Variants in ATP2B1 observed in about 807,000 individuals in gnomAD.
The protein encoded by ATP2B1 is plasma membrane calcium-transporting ATPase 1.
In ATP2B1, 14 loss-of-function variants were observed where a neutral mutation model predicts 124.2. The ratio of observed to expected loss-of-function variants is 0.11; its 90% CI spans 0.07 to 0.18. The LOEUF (loss-of-function observed/expected upper bound fraction) is 0.18, where lower values mean the gene tolerates loss of function less well. Ranked by LOEUF, ATP2B1 falls within the 10% of genes least tolerant of loss-of-function variation. The pLI is 1.00. For synonymous variants in ATP2B1, 449 were observed against 492.4 expected (o/e 0.91, Z 1.17); for missense variants, 763 against 1,466.1 (o/e 0.52, Z 7.83).
At chr12:89,669,301 G>T (rs1163499551) in intron 1 of ATP2B1, among the ~76,000 whole-genome samples, 2 of 152,202 alleles carry the variant, frequency 1.3e-5, no homozygotes, top group African/African-American at 4.8e-5. Flanking sequence ...CGGAACTGCA[G>T]AACGTGGCAA....
chr12:89,637,891 C>T (rs1169173516), intron 3 of ATP2B1, among the ~76,000 whole-genome samples: 2 of 152,190 alleles, frequency 1.3e-5, no homozygotes, highest in East Asian at 1.9e-4. Flanking sequence ...GACAATTATA[C>T]AATTTTCAGC....
intron 8 of ATP2B1, among the ~76,000 whole-genome samples, 185 bp from the exon 9 acceptor site, chr12:89,624,582 T>C (rs1880521805): frequency 6.6e-6 from 1 of 152,236 alleles, no homozygotes; most frequent in African/African-American, 2.4e-5. Flanking sequence ...TGCTTCCAAG[T>C]ACAGTCTTGT....
At chr12:89,626,427 C>A in intron 8 of ATP2B1, 27 bp downstream of exon 8, 1 of 1,552,060 alleles carries the variant, frequency 6.4e-7, no homozygotes, top group East Asian at 2.3e-5. Context: ...AAAAATAAAA[C>A]ACTTTATTTT....
At chr12:89,684,202 A>T (rs964767963) in intron 1 of ATP2B1, among the ~76,000 whole-genome samples, 1 of 152,238 alleles carries the variant, frequency 6.6e-6, no homozygotes, top group Non-Finnish European at 1.5e-5. Flanking sequence ...TTACAAAAAG[A>T]GCAGGGACGG....
At chr12:89,652,715 A>T (rs1312873816) in intron 2 of ATP2B1, among the ~76,000 whole-genome samples, 1 of 151,988 alleles carries the variant, frequency 6.6e-6, no homozygotes, top group Non-Finnish European at 1.5e-5. Flanking sequence ...CTTTGGAAAT[A>T]ACATTCTTGT....
In ATP2B1 at chr12:89,601,409, T is replaced by C. The variant is rs781117632; in HGVS notation, c.3085A>G (p.Lys1029Glu). Residue 1029 changes from lysine (K) to glutamate (E), a missense_variant, in exon 19 of 21, where the codon AAA becomes GAA. Coordinates refer to ENST00000428670, the MANE Select transcript of ATP2B1 (RefSeq NM_001366521.1). Reference protein sequence around the residue: ...VQIIIVQFGGKPFSCSELSIE... With the variant: ...VQIIIVQFGGEPFSCSELSIE... ...GAAAGTTCTGAACAACTGAAAGGTTTTCCACCAAACTGCACAATTATTATC... is the reference window on the plus strand; with the variant it reads ...GAAAGTTCTGAACAACTGAAAGGTTCTCCACCAAACTGCACAATTATTATC... 1.9e-6 allele frequency: 3 copies of C among 1,570,098 alleles called. No homozygotes were observed. Among genetic ancestry groups the C allele is most frequent in the Non-Finnish European group, 2.6e-6 (3 of 1,166,554 alleles).
At chr12:89,632,781 C>G (rs1317014152) in intron 5 of ATP2B1, among the ~76,000 whole-genome samples, 3 of 152,154 alleles carry the variant, frequency 2.0e-5, no homozygotes, top group African/African-American at 7.2e-5. Flanking sequence ...CCCACCCATA[C>G]TGCGATAAGG....
At chr12:89,688,139 G>A (rs1890165783) in intron 1 of ATP2B1, among the ~76,000 whole-genome samples, 1 of 152,008 alleles carries the variant, frequency 6.6e-6, no homozygotes, top group Non-Finnish European at 1.5e-5. Context: ...CTCTCAGCAG[G>A]CAGGAATCTA....
At chr12:89,623,354 CT>C (rs112050233) in intron 9 of ATP2B1, among the ~76,000 whole-genome samples, 9,018 of 144,132 alleles carry the variant, frequency 0.063, 277 homozygotes, top group African/African-American at 0.079. Flanking sequence ...CAAGCTACAT[CT>C]TTTTTTTTTT....
chr12:89,685,320 G>A (rs1161765976), intron 1 of ATP2B1, among the ~76,000 whole-genome samples: 1 of 152,092 alleles, frequency 6.6e-6, no homozygotes, highest in Non-Finnish European at 1.5e-5. Flanking sequence ...GTAACTATGG[G>A]TAAACGAAAT....
intron 5 of ATP2B1, 41 bp downstream of exon 5, chr12:89,634,737 C>T (rs752669795): frequency 9.2e-6 from 14 of 1,520,448 alleles, no homozygotes; most frequent in Middle Eastern, 2.1e-4. Flanking sequence ...TACATAGTTG[C>T]GAAAGAGGAA....
intron 20 of ATP2B1, among the ~76,000 whole-genome samples, chr12:89,593,051 T>C (rs1873889543): frequency 1.3e-5 from 2 of 152,084 alleles, no homozygotes; most frequent in Non-Finnish European, 1.5e-5. Flanking sequence ...GACTGATGAA[T>C]AGCAGCAAAT....
intron 1 of ATP2B1, among the ~76,000 whole-genome samples, chr12:89,704,441 T>C (rs1032678035): frequency 6.6e-6 from 1 of 152,094 alleles, no homozygotes; most frequent in African/African-American, 2.4e-5. Context: ...TCTATTAAAT[T>C]TACTCTGATC....
intron 15 of ATP2B1, 116 bp downstream of exon 15, chr12:89,609,821 A>C (rs1877652969): frequency 1.2e-6 from 1 of 866,732 alleles, no homozygotes; most frequent in African/African-American, 1.7e-5. Context: ...TATCCCTCGA[A>C]CTAATCTTGA....
At chr12:89,625,460 T>C (rs1880700653) in intron 8 of ATP2B1, among the ~76,000 whole-genome samples, 1 of 151,796 alleles carries the variant, frequency 6.6e-6, no homozygotes, top group Non-Finnish European at 1.5e-5. Flanking sequence ...GGCGTGCATC[T>C]GTAGTCCCAG....
At chr12:89,675,219 C>T (rs1238911260) in intron 1 of ATP2B1, among the ~76,000 whole-genome samples, 9 of 152,088 alleles carry the variant, frequency 5.9e-5, no homozygotes, top group Admixed American at 5.9e-4. Context: ...GAAAAGATCC[C>T]GTCTAGCTTA....
At chr12:89,611,072 G>T in intron 13 of ATP2B1, 121 bp downstream of exon 13, 2 of 890,762 alleles carry the variant, frequency 2.2e-6, no homozygotes, top group Non-Finnish European at 3.2e-6. Context: ...CTAAGGTATA[G>T]ACTGCATTTA....
chr12:89,704,856 C>T (rs7968285), intron 1 of ATP2B1, among the ~76,000 whole-genome samples: 137,741 of 152,108 alleles, frequency 0.91, 63,054 homozygotes, highest in East Asian at 1. Context: ...AAAGAATCAA[C>T]GAAGAACATA....
chr12:89,653,283 C>CTTT (rs149270069), intron 2 of ATP2B1, among the ~76,000 whole-genome samples: 6 of 76,110 alleles, frequency 7.9e-5, no homozygotes, highest in African/African-American at 3.0e-4. Flanking sequence ...GAATTTTTTT[C>CTTT]TTTTTTTTTT....
Sources: gnomAD v4.1 joint callset for allele counts (sites outside exome capture counted in the v4.1 genomes callset) on GRCh38, gnomAD v4.1.1 for gene constraint, MANE v1.5 for transcripts, NCBI Gene and HGNC (gene_info 2026-07-23, HGNC 2026-07-21) for gene names.